Variants in ODF2 observed in about 807,000 individuals in gnomAD.
The protein encoded by ODF2 is outer dense fiber protein 2.
Under a neutral mutation model 110.2 loss-of-function variants are expected in ODF2, and 47 were observed. The ratio of observed to expected loss-of-function variants is 0.43; its 90% confidence interval spans 0.34 to 0.54. The LOEUF is 0.54. Ranked by LOEUF, ODF2 falls within the 20% of genes least tolerant of loss-of-function variation. The pLI is 0.03. For synonymous variants in ODF2, 352 were observed against 397.7 expected (o/e 0.89, Z 1.37); for missense variants, 812 against 1,054.5 (o/e 0.77, Z 3.19).
At chr9:128,500,123 C>T (rs140486448) in exon 21 of ODF2, 73 of 1,614,148 alleles carry the variant, frequency 4.5e-5, no homozygotes, top group African/African-American at 1.5e-4. Flanking sequence ...TGGAGCAGTC[C>T]GAGAGCACCA....
chr9:128,500,161 T>C, exon 21 of ODF2: 1 of 1,614,242 alleles, frequency 6.2e-7, no homozygotes. Flanking sequence ...TACGTCCAGT[T>C]CCTCAAATCA....
intron 13 of ODF2, among the ~76,000 whole-genome samples, chr9:128,486,644 C>T (rs1482461446): frequency 6.6e-6 from 1 of 152,326 alleles, no homozygotes; most frequent in East Asian, 1.9e-4. Flanking sequence ...CTGATGATGG[C>T]CTTGCTGAGT....
At chr9:128,457,426 C>T (rs752576319) in exon 2 of ODF2, 3 of 1,611,816 alleles carry the variant, frequency 1.9e-6, no homozygotes, top group Admixed American at 1.7e-5. Flanking sequence ...CATCCTCAGG[C>T]GGCTCCCCCA....
At chr9:128,455,356 C>T (rs1422684135), upstream of ODF2, 4 of 701,296 alleles carry the variant, frequency 5.7e-6, no homozygotes, top group African/African-American at 5.4e-5. Context: ...TGGAGACTAT[C>T]CTGCCCAACA....
chr9:128,471,694 G>C (rs1378688358), intron 6 of ODF2, among the ~76,000 whole-genome samples: 3 of 152,102 alleles, frequency 2.0e-5, no homozygotes, highest in African/African-American at 7.2e-5. Context: ...GTGTGGGACT[G>C]GGTAGCAGGG....
chr9:128,460,566 A>G, intron 3 of ODF2: 1 of 1,613,760 alleles, frequency 6.2e-7, no homozygotes, highest in Non-Finnish European at 8.5e-7. Flanking sequence ...ACCATGAAGG[A>G]CCGCTCTTCA....
At chr9:128,480,779 C>T (rs997601783) in intron 8 of ODF2, among the ~76,000 whole-genome samples, 9 of 152,042 alleles carry the variant, frequency 5.9e-5, no homozygotes, top group African/African-American at 1.9e-4. Flanking sequence ...ATCGTGCCAT[C>T]GCACTCCAGC....
intron 14 of ODF2, 33 bp downstream of exon 14, chr9:128,488,058 G>T: frequency 6.2e-7 from 1 of 1,612,276 alleles, no homozygotes; most frequent in Non-Finnish European, 8.5e-7. Context: ...CAGGCAGCTG[G>T]ATGGGGCCCA....
chr9:128,457,488 AG>A, intron 2 of ODF2: 1 of 1,534,266 alleles, frequency 6.5e-7, no homozygotes, highest in Non-Finnish European at 8.7e-7. Context: ...AAAGGTGGCC[AG>A]GGGTCCCCAG....
At chr9:128,472,591 A>G (rs1197304283) in intron 6 of ODF2, among the ~76,000 whole-genome samples, 1 of 152,050 alleles carries the variant, frequency 6.6e-6, no homozygotes, top group Non-Finnish European at 1.5e-5. Context: ...AGGGCTCAAA[A>G]TCGTATCTGA....
At chr9:128,456,089 C>T, upstream of ODF2, 1 of 1,541,938 alleles carries the variant, frequency 6.5e-7, no homozygotes, top group Non-Finnish European at 8.7e-7. Context: ...TTTGAACTGG[C>T]CAATGGGCGA....
At chr9:128,497,476 T>A (rs1314353865) in intron 18 of ODF2, 84 of 104,292 alleles carry the variant, frequency 8.1e-4, no homozygotes, top group East Asian at 3.6e-3. Flanking sequence ...TATATATATA[T>A]ATATATATAT....
intron 3 of ODF2, chr9:128,460,224 G>A (rs965738140): frequency 1.5e-6 from 2 of 1,320,346 alleles, no homozygotes; most frequent in East Asian, 4.9e-5. Flanking sequence ...AGGAGGAGCT[G>A]TGCATTCCAG....
At chr9:128,458,289 C>T (rs1370512289) in intron 2 of ODF2, among the ~76,000 whole-genome samples, 2 of 151,994 alleles carry the variant, frequency 1.3e-5, no homozygotes, top group African/African-American at 2.4e-5. Context: ...CCCGTCTTTA[C>T]TAGAAACATA....
intron 8 of ODF2, among the ~76,000 whole-genome samples, chr9:128,475,119 T>C (rs1477886134): frequency 6.6e-6 from 1 of 152,054 alleles, no homozygotes; most frequent in East Asian, 1.9e-4. Context: ...TTTTTCTTGA[T>C]ATTATCCCCT....
intron 1 of ODF2, chr9:128,456,790 C>CCCCGGG: frequency 1.5e-6 from 2 of 1,327,406 alleles, no homozygotes; most frequent in Non-Finnish European, 1.9e-6. Context: ...CCTCCCAGCC[C>CCCCGGG]GGCGTCTATC....
upstream of ODF2, chr9:128,455,285 C>T (rs991538613): frequency 6.0e-6 from 9 of 1,496,542 alleles, no homozygotes; most frequent in Non-Finnish European, 8.1e-6. Context: ...GGCGCGGAGG[C>T]TCAAGCCTGT....
At chr9:128,469,159 G>A in intron 4 of ODF2, 24 bp from the exon 5 acceptor site, 1 of 1,609,186 alleles carries the variant, frequency 6.2e-7, no homozygotes, top group Non-Finnish European at 8.5e-7. Context: ...CTGAGTTCAT[G>A]TGTTTCTCCC....
chr9:128,498,485 C>T, exon 19 of ODF2: 1 of 1,613,704 alleles, frequency 6.2e-7, no homozygotes, highest in Non-Finnish European at 8.5e-7. Flanking sequence ...AGGCAATCCA[C>T]CAGTCCCAGC....
Sources: gnomAD v4.1 joint callset for allele counts (sites outside exome capture counted in the v4.1 genomes callset) on GRCh38, gnomAD v4.1.1 for gene constraint, MANE v1.5 for transcripts, NCBI Gene and HGNC (gene_info 2026-07-23, HGNC 2026-07-21) for gene names.